Variants in COL6A6 observed in about 807,000 individuals in gnomAD.
The protein encoded by COL6A6 is collagen alpha-6(VI) chain.
Under a neutral mutation model 208.6 loss-of-function variants are expected in COL6A6, and 183 were observed. The observed-to-expected ratio is 0.88, with a 90% confidence interval of 0.78 to 0.99. COL6A6 has a LOEUF of 0.99. COL6A6 is among the 50% of genes least tolerant of loss of function. The probability of loss-of-function intolerance (pLI) is 0.00; values close to 1 mark genes in which losing one functional copy is unlikely to be tolerated. For synonymous variants in COL6A6, 973 were observed against 1,011.8 expected (o/e 0.96, Z 0.73); for missense variants, 2,816 against 2,815.2 (o/e 1.00, Z -0.01).
intron 21 of COL6A6, among the ~76,000 whole-genome samples, chr3:130,607,643 T>C (rs2064224059): frequency 6.6e-6 from 1 of 151,902 alleles, no homozygotes; most frequent in Admixed American, 6.6e-5. Context: ...AATGAAAAAT[T>C]AGATTGCAGC....
chr3:130,555,039 C>T (rs1012890131), intron 1 of COL6A6, among the ~76,000 whole-genome samples: 17 of 152,222 alleles, frequency 1.1e-4, no homozygotes, highest in South Asian at 1.0e-3. Flanking sequence ...ACAATGTTGC[C>T]GTACTCTGTT....
chr3:130,662,346 A>T, intron 35 of COL6A6, 38 bp downstream of exon 35: 1 of 1,567,870 alleles, frequency 6.4e-7, no homozygotes, highest in Non-Finnish European at 8.7e-7. Flanking sequence ...CACTTTAAGA[A>T]TATACTTGGT....
At chr3:130,520,812 T>G (rs1711024889) in intron 1 of COL6A6, among the ~76,000 whole-genome samples, 1 of 152,184 alleles carries the variant, frequency 6.6e-6, no homozygotes, top group African/African-American at 2.4e-5. Context: ...ACCTGGTCTA[T>G]CACTACTGAC....
At chr3:130,669,895 C>T (rs190677545) in intron 36 of COL6A6, among the ~76,000 whole-genome samples, 5 of 152,326 alleles carry the variant, frequency 3.3e-5, no homozygotes, top group African/African-American at 9.6e-5. Flanking sequence ...ATATACATTA[C>T]CCAGCCACCA....
At chr3:130,599,635 A>G (rs2063950902) in intron 19 of COL6A6, 122 bp from the exon 20 acceptor site, 3 of 898,356 alleles carry the variant, frequency 3.3e-6, no homozygotes, top group Non-Finnish European at 5.3e-6. Flanking sequence ...TTCCAAAGGA[A>G]AGGTAACTCT....
At chr3:130,642,780 A>G in intron 29 of COL6A6, 52 bp from the exon 30 acceptor site, 1 of 1,524,880 alleles carries the variant, frequency 6.6e-7, no homozygotes, top group Non-Finnish European at 9.0e-7. Context: ...CACACTGGCT[A>G]CTGATGTGTA....
intron 28 of COL6A6, among the ~76,000 whole-genome samples, chr3:130,640,659 A>G (rs1427950534): frequency 6.6e-6 from 1 of 152,176 alleles, no homozygotes; most frequent in Non-Finnish European, 1.5e-5. Context: ...ATGAAGAAAG[A>G]AATATTCCAA....
chr3:130,658,816 C>A, intron 34 of COL6A6, 44 bp downstream of exon 34: 1 of 1,374,946 alleles, frequency 7.3e-7, no homozygotes, highest in Non-Finnish European at 1.0e-6. Flanking sequence ...GCCTATTAAG[C>A]ATGATGAGTC....
chr3:130,673,758 G>T (rs2066292203), intron 36 of COL6A6, among the ~76,000 whole-genome samples: 1 of 152,132 alleles, frequency 6.6e-6, no homozygotes, highest in Non-Finnish European at 1.5e-5. Flanking sequence ...AGGAGTTCAA[G>T]ACCAGCTTGG....
At chr3:130,587,300 G>A (rs1363415530) in intron 11 of COL6A6, among the ~76,000 whole-genome samples, 1 of 152,084 alleles carries the variant, frequency 6.6e-6, no homozygotes, top group Non-Finnish European at 1.5e-5. Context: ...TTGCTCTATC[G>A]CCCAGGCTGA....
chr3:130,596,197 G>A (rs1305820815), intron 18 of COL6A6, among the ~76,000 whole-genome samples: 3 of 152,160 alleles, frequency 2.0e-5, no homozygotes, highest in Non-Finnish European at 2.9e-5. Flanking sequence ...GGTGTCCTGA[G>A]AATTTTCAAC....
chr3:130,559,803 T>C (rs560362633), intron 1 of COL6A6, among the ~76,000 whole-genome samples: 1 of 152,166 alleles, frequency 6.6e-6, no homozygotes, highest in Non-Finnish European at 1.5e-5. Flanking sequence ...AGACATTATA[T>C]GGAATATGGA....
intron 18 of COL6A6, among the ~76,000 whole-genome samples, chr3:130,595,682 T>G (rs1342837476): frequency 6.6e-6 from 1 of 152,248 alleles, no homozygotes; most frequent in Non-Finnish European, 1.5e-5. Flanking sequence ...ATTGTGTGAA[T>G]ATACCATGAT....
In COL6A6 at chr3:130,642,998, C is replaced by T. The variant is rs2108371494; in HGVS notation, c.5202C>T (p.Leu1734=). 2 of 1,613,888 alleles carry T rather than the reference C, an allele frequency of 1.2e-6. No homozygotes were observed. The highest frequency in any genetic ancestry group is 8.5e-7 in the Non-Finnish European group (1 of 1,179,804). The change falls in exon 31 of 37, where the codon CTC becomes CTT. Residue 1734 remains leucine, a synonymous_variant. Coordinates refer to ENST00000358511, the MANE Select transcript of COL6A6 (RefSeq NM_001102608.3). Reference sequence around the variant, plus strand: ...TTTTCGAACTGCAGACATGTGAGCTCATTCAGTATGTGCGAGACCGCAGTC... The same window carrying T: ...TTTTCGAACTGCAGACATGTGAGCTTATTCAGTATGTGCGAGACCGCAGTC... The part of the protein sequence containing the change: ...KGLASFSTCE[L]IQYVRDRSPG...
chr3:130,606,900 T>A (rs777619023), intron 20 of COL6A6, 31 bp from the exon 21 acceptor site: 1 of 1,589,858 alleles, frequency 6.3e-7, no homozygotes, highest in Non-Finnish European at 8.6e-7. Context: ...TTTTTCTGAA[T>A]TAATGATATC....
intron 36 of COL6A6, among the ~76,000 whole-genome samples, chr3:130,674,470 T>C (rs1352758579): frequency 6.6e-6 from 1 of 152,226 alleles, no homozygotes; most frequent in Non-Finnish European, 1.5e-5. Flanking sequence ...GGGTTACTCA[T>C]GATTCCCAGC....
intron 11 of COL6A6, among the ~76,000 whole-genome samples, chr3:130,587,493 G>A (rs1170641189): frequency 6.6e-6 from 1 of 152,246 alleles, no homozygotes; most frequent in Non-Finnish European, 1.5e-5. Context: ...AACTCCTGAC[G>A]TCATCTTATG....
In COL6A6 at chr3:130,642,996, C is replaced by G; in HGVS notation, c.5200C>G (p.Leu1734Val). ...TATTTTCGAACTGCAGACATGTGAG[C>G]TCATTCAGTATGTGCGAGACCGCAG... Reference protein sequence around the residue: ...KGLASFSTCELIQYVRDRSPG... With the variant: ...KGLASFSTCEVIQYVRDRSPG... Residue 1734 changes from leucine to valine, a missense_variant, in exon 31 of 37, where the codon CTC becomes GTC. Leu to Val is a conservative substitution (Grantham distance 32, BLOSUM62 1). Transcript: ENST00000358511. 6.2e-7 allele frequency: 1 copy of G among 1,613,868 alleles called. No individual in the cohort carries two copies. The highest frequency in any genetic ancestry group is 8.5e-7 in the Non-Finnish European group (1 of 1,179,798).
Position 130,627,452 on chromosome 3 carries a change from G to C in COL6A6, c.4992+83G>C, listed in dbSNP as rs889459412. 3.3e-6 allele frequency: 4 copies of C among 1,202,938 alleles called. No homozygotes were observed. In the African/African-American group the frequency reaches 6.0e-5, roughly 18 times the overall value. 74.5% of individuals were successfully genotyped at this position (1,202,938 alleles called of 1,614,324 possible). ...GTTTGCCACATTTAAGAGAAAAAGG[G>C]AAGCAGGGAATAAGGCAATCTTGGA... On this transcript the variant is annotated intron_variant, in intron 26 of 36. Coordinates refer to ENST00000358511, the MANE Select transcript of COL6A6 (RefSeq NM_001102608.3).
Sources: allele counts gnomAD v4.1 joint callset (sites outside exome capture counted in the v4.1 genomes callset), GRCh38; gene constraint gnomAD v4.1.1; transcripts MANE v1.5; gene names NCBI Gene and HGNC (gene_info 2026-07-23, HGNC 2026-07-21).